The following VAV3 variants were observed in gnomAD, a reference collection of about 807,000 sequenced individuals.
VAV3 encodes the protein vav guanine nucleotide exchange factor 3.
A neutral mutation model predicts 131.2 loss-of-function variants in VAV3; 94 were observed. That is an observed-to-expected ratio of 0.72 (90% CI 0.61 to 0.85). The LOEUF is 0.85. Among genes scored for constraint, VAV3 ranks in the 40% least tolerant of loss-of-function variants. VAV3 has a pLI of 0.00. For missense variants in VAV3, 939 were observed against 1,002.7 expected (o/e 0.94, Z 0.86); for synonymous variants, 349 against 342.0 (o/e 1.02, Z -0.22).
chr1:107,672,616 T>C (rs564274229), intron 19 of VAV3, among the ~76,000 whole-genome samples: 90 of 152,014 alleles, frequency 5.9e-4, no homozygotes, highest in African/African-American at 2.1e-3. Flanking sequence ...AATATAAAAA[T>C]ATTTTCGATA....
chr1:107,947,680 A>G (rs1454918310), intron 1 of VAV3, among the ~76,000 whole-genome samples: 1 of 152,218 alleles, frequency 6.6e-6, no homozygotes, highest in Non-Finnish European at 1.5e-5. Flanking sequence ...GGCCAATGCT[A>G]AAGTCCATAT....
Position 107,760,798 on chromosome 1 carries a change from G to A in VAV3, c.1003C>T (p.His335Tyr). ...AAGTTACATACCTGGAGGAGAAGGTGGTACTTTAAAACACGTTGCATAGGA... is the reference window on the plus strand; with the variant it reads ...AAGTTACATACCTGGAGGAGAAGGTAGTACTTTAAAACACGTTGCATAGGA... ...VVPMQRVLKY[H>Y]LLLQELVKHT... Residue 335 changes from histidine (H) to tyrosine (Y), a missense_variant, in exon 10 of 27, where the codon CAC becomes TAC. Physicochemically the swap from His to Tyr is moderately conservative, Grantham distance 83. Coordinates refer to ENST00000370056, the MANE Select transcript of VAV3 (RefSeq NM_006113.5). The A allele has an allele frequency of 6.2e-7, 1 of 1,612,216 alleles. No individual in the cohort carries two copies. The highest frequency in any genetic ancestry group is 2.2e-5 in the East Asian group (1 of 44,814).
intron 20 of VAV3, among the ~76,000 whole-genome samples, chr1:107,636,093 G>A (rs1014762471): frequency 1.3e-5 from 2 of 152,154 alleles, no homozygotes; most frequent in Non-Finnish European, 2.9e-5. Context: ...ATTACTATAA[G>A]GAAAGAATAA....
intron 10 of VAV3, among the ~76,000 whole-genome samples, chr1:107,759,276 A>G (rs761038608): frequency 6.6e-6 from 1 of 152,348 alleles, no homozygotes; most frequent in Admixed American, 6.5e-5. Context: ...ACTTAAAGAC[A>G]GAATCTATTA....
At chr1:107,688,657 T>A in intron 17 of VAV3, 1 of 943,362 alleles carries the variant, frequency 1.1e-6, no homozygotes, top group East Asian at 3.2e-5. Context: ...CTTTTTCCAT[T>A]GTTTATTAAG....
At chr1:107,636,839 T>C (rs1654966504) in intron 20 of VAV3, among the ~76,000 whole-genome samples, 1 of 152,112 alleles carries the variant, frequency 6.6e-6, no homozygotes, top group African/African-American at 2.4e-5. Context: ...GGCAGCAAAG[T>C]AGCACTTAGA....
intron 2 of VAV3, among the ~76,000 whole-genome samples, chr1:107,847,128 C>G (rs941512502): frequency 4.6e-5 from 7 of 152,166 alleles, no homozygotes; most frequent in Non-Finnish European, 8.8e-5. Flanking sequence ...TCACTCAAAA[C>G]CACACGACTA....
chr1:107,775,533 G>A lies in VAV3; in HGVS notation c.446+1698C>T, dbSNP rs573795808. On this transcript the variant is annotated intron_variant, in intron 4 of 26. Coordinates refer to ENST00000370056, the MANE Select transcript of VAV3 (RefSeq NM_006113.5). ...GTGGAGGTTGCAGTGAGCTGAGATC[G>A]TGCCATCGCACTCTAGCCTGGGTGC... 3.8e-5 allele frequency among the ~76,000 whole-genome samples: 5 copies of A among 132,898 alleles called. No homozygotes were observed. In the East Asian group the frequency reaches 9.2e-4, roughly 25 times the overall value. 87.2% of individuals were successfully genotyped at this position (132,898 alleles called of 152,430 possible). A position where few individuals can be genotyped will look rare whatever the true frequency, so the allele number is the denominator to read the frequency against.
intron 15 of VAV3, among the ~76,000 whole-genome samples, chr1:107,710,006 T>A (rs972635637): frequency 2.0e-5 from 3 of 152,256 alleles, no homozygotes; most frequent in Admixed American, 1.3e-4. Flanking sequence ...GTGTAGTTAG[T>A]AATACAATGT....
At chr1:107,868,526 C>T (rs571164112) in intron 2 of VAV3, among the ~76,000 whole-genome samples, 18 of 152,166 alleles carry the variant, frequency 1.2e-4, no homozygotes, top group African/African-American at 4.1e-4. Context: ...AGTAGGTTGT[C>T]GGGATGCCTG....
rs547055918 is a variant in VAV3 at position 107,609,768 on chromosome 1, G to A, written c.2015+163C>T. The A allele has an allele frequency of 4.4e-6, 3 of 680,826 alleles. No individual in the cohort carries two copies. The Admixed American group carries it at 8.3e-5, about 19-fold the overall frequency. The allele number at this position is 680,826 out of a possible 1,614,324, so 42.2% of individuals were successfully genotyped here. ...CCCTCGCAGATAAAGATATGGAAAG[G>A]TCAGCAATACATGAATTCATTATGG... On this transcript the variant is annotated intron_variant, in intron 22 of 26. Coordinates refer to ENST00000370056, the MANE Select transcript of VAV3 (RefSeq NM_006113.5).
intron 1 of VAV3, among the ~76,000 whole-genome samples, chr1:107,896,497 A>C (rs1671584974): frequency 6.6e-6 from 1 of 152,184 alleles, no homozygotes; most frequent in Non-Finnish European, 1.5e-5. Context: ...ACTACAAAAA[A>C]CTTATATAAA....
chr1:107,583,807 T>A (rs1275709833), intron 25 of VAV3, among the ~76,000 whole-genome samples: 1 of 152,132 alleles, frequency 6.6e-6, no homozygotes. Context: ...GAAGAATCAA[T>A]ATCGCGAAAA....
intron 15 of VAV3, among the ~76,000 whole-genome samples, chr1:107,722,797 C>A (rs1377732069): frequency 6.7e-6 from 1 of 150,116 alleles, no homozygotes; most frequent in Non-Finnish European, 1.5e-5. Context: ...ACTAGATACC[C>A]TCGAATCTGG....
rs377080778 is a variant in VAV3, at chr1:107,749,046, T to C, written c.1424A>G (p.Gln475Arg). The change falls in exon 15 of 27, where the codon CAA becomes CGA. Residue 475 changes from glutamine (Q) to arginine (R), a missense_variant. By Grantham distance (43) the Gln-to-Arg change is conservative. Coordinates refer to ENST00000370056, the MANE Select transcript of VAV3 (RefSeq NM_006113.5). Reference sequence around the variant, plus strand: ...ATAAAATTCTAACCCATTTTGTCCTTGGGTATGGATGAGGTAGAAGCCATA... The same window carrying C: ...ATAAAATTCTAACCCATTTTGTCCTCGGGTATGGATGAGGTAGAAGCCATA... ...WSYGFYLIHT[Q>R]GQNGLEFYCK... is the part of the protein sequence containing the mutation. 2.9e-5 allele frequency: 46 copies of C among 1,611,852 alleles called. No homozygotes were observed. The highest frequency in any genetic ancestry group is 3.5e-5 in the Non-Finnish European group (41 of 1,179,042).
chr1:107,786,471 T>C (rs1410688974), intron 2 of VAV3, among the ~76,000 whole-genome samples: 3 of 152,144 alleles, frequency 2.0e-5, no homozygotes, highest in Admixed American at 1.3e-4. Flanking sequence ...ACCTACGAAA[T>C]TACAATTAAA....
At chr1:107,771,230 T>C (rs946806836) in intron 5 of VAV3, among the ~76,000 whole-genome samples, 1 of 151,406 alleles carries the variant, frequency 6.6e-6, no homozygotes, top group African/African-American at 2.4e-5. Flanking sequence ...TGGAATTGGG[T>C]TCAACACCAG....
Position 107,751,102 on chromosome 1 carries a change from T to G in VAV3, c.1259+15A>C, listed in dbSNP as rs370002366. On this transcript the variant is annotated intron_variant, in intron 13 of 26. Transcript: ENST00000370056. ...CTAATTACTTATTTTGAAAATAGTA[T>G]TCTTCTTTTCTTACCTTTCTTGTTT... 6.2e-7 allele frequency: 1 copy of G among 1,602,826 alleles called. No homozygotes were observed. Among genetic ancestry groups the G allele is most frequent in the Non-Finnish European group, 8.5e-7 (1 of 1,174,632 alleles).
chr1:107,856,427 CATT>C (rs1388549973), intron 2 of VAV3, among the ~76,000 whole-genome samples: 1 of 152,034 alleles, frequency 6.6e-6, no homozygotes, highest in Non-Finnish European at 1.5e-5. Context: ...CAGAATATAA[CATT>C]TTTTATGAGT....
Sources: gnomAD v4.1 joint callset for allele counts (sites outside exome capture counted in the v4.1 genomes callset) on GRCh38, gnomAD v4.1.1 for gene constraint, MANE v1.5 for transcripts, NCBI Gene and HGNC (gene_info 2026-07-23, HGNC 2026-07-21) for gene names.